The following TENM3 variants were observed in gnomAD, a reference collection of about 807,000 sequenced individuals.
The protein encoded by TENM3 is teneurin-3.
Under a neutral mutation model 255.1 loss-of-function variants are expected in TENM3, and 63 were observed. The ratio of observed to expected loss-of-function variants is 0.25; its 90% CI spans 0.20 to 0.30. The LOEUF (loss-of-function observed/expected upper bound fraction) is 0.30. TENM3 is among the 10% of genes least tolerant of loss of function. The probability of loss-of-function intolerance (pLI) is 1.00; values close to 1 mark genes in which losing one functional copy is unlikely to be tolerated. For missense variants in TENM3, 2,929 were observed against 3,461.1 expected, an observed-to-expected ratio of 0.85 and a Z score of 3.86; for synonymous variants, 1,306 against 1,322.3, an observed-to-expected ratio of 0.99 and a Z score of 0.27.
chr4:182,680,998 T>G (rs1422358087), intron 10 of TENM3, among the ~76,000 whole-genome samples: 1 of 152,202 alleles, frequency 6.6e-6, no homozygotes, highest in African/African-American at 2.4e-5. Flanking sequence ...CTTTATGCCT[T>G]GAAACTAACA....
At chr4:181,526,903 G>A in the TENM3 span, among the ~76,000 whole-genome samples, 1 of 152,162 alleles carries the variant, frequency 6.6e-6, no homozygotes, top group Admixed American at 6.5e-5. Flanking sequence ...TCGAGTAGTA[G>A]TAAAAACATT....
chr4:181,475,210 A>G, the TENM3 span, among the ~76,000 whole-genome samples: 1 of 152,194 alleles, frequency 6.6e-6, no homozygotes, highest in Non-Finnish European at 1.5e-5. Flanking sequence ...GCATTCAGAA[A>G]TTTTGTTTGG....
At chr4:182,437,074 A>G (rs1452629758) in intron 3 of TENM3, among the ~76,000 whole-genome samples, 5 of 152,164 alleles carry the variant, frequency 3.3e-5, no homozygotes, top group South Asian at 4.1e-4. Flanking sequence ...TGAAGGAAAG[A>G]ACTTCTCAAC....
At chr4:182,459,315 C>G (rs1307603447) in intron 3 of TENM3, among the ~76,000 whole-genome samples, 1 of 151,958 alleles carries the variant, frequency 6.6e-6, no homozygotes, top group Non-Finnish European at 1.5e-5. Context: ...GTGTTGACCA[C>G]TTTGAAAGCA....
At chr4:181,553,292 TG>T in the TENM3 span, among the ~76,000 whole-genome samples, 1 of 116,820 alleles carries the variant, frequency 8.6e-6, no homozygotes, top group South Asian at 2.7e-4. Context: ...TGTGTGTGTG[TG>T]TGTGTAGTGT....
chr4:182,357,198 A>G (rs1387727746), intron 3 of TENM3, among the ~76,000 whole-genome samples: 1 of 151,984 alleles, frequency 6.6e-6, no homozygotes, highest in Non-Finnish European at 1.5e-5. Flanking sequence ...GTGTCTTTAT[A>G]GCAGCATGAT....
chr4:182,779,602 T>C (rs1228824348), intron 24 of TENM3, among the ~76,000 whole-genome samples: 2 of 152,236 alleles, frequency 1.3e-5, no homozygotes, highest in South Asian at 2.1e-4. Context: ...TCAAATGGTA[T>C]TTCCAGTTCT....
the TENM3 span, among the ~76,000 whole-genome samples, chr4:181,567,936 C>T: frequency 6.6e-6 from 1 of 152,048 alleles, no homozygotes; most frequent in African/African-American, 2.4e-5. Flanking sequence ...GCCCATAGCA[C>T]CTTTGGCCAA....
chr4:181,776,820 G>A, the TENM3 span, among the ~76,000 whole-genome samples: 1 of 151,882 alleles, frequency 6.6e-6, no homozygotes, highest in African/African-American at 2.4e-5. Flanking sequence ...GTGCAGCCTG[G>A]ATATATTAAT....
chr4:181,890,364 C>T, the TENM3 span, among the ~76,000 whole-genome samples: 2 of 152,012 alleles, frequency 1.3e-5, no homozygotes, highest in African/African-American at 4.8e-5. Flanking sequence ...TCAGGACACA[C>T]TTAATTTAAA....
chr4:182,413,116 G>A (rs1770117743), intron 3 of TENM3, among the ~76,000 whole-genome samples: 1 of 151,724 alleles, frequency 6.6e-6, no homozygotes, highest in Non-Finnish European at 1.5e-5. Flanking sequence ...GAAACATGAA[G>A]GATGAAATGA....
chr4:182,537,417 C>G (rs1560890223), intron 3 of TENM3, among the ~76,000 whole-genome samples: 1 of 152,186 alleles, frequency 6.6e-6, no homozygotes, highest in African/African-American at 2.4e-5. Flanking sequence ...ACTTCGAGGT[C>G]TTTTACCAAT....
At chr4:181,849,712 A>G in the TENM3 span, among the ~76,000 whole-genome samples, 3 of 152,174 alleles carry the variant, frequency 2.0e-5, no homozygotes, top group African/African-American at 7.2e-5. Context: ...GACATTATAC[A>G]GACATCATTG....
At chr4:181,895,562 T>A in the TENM3 span, among the ~76,000 whole-genome samples, 1 of 61,896 alleles carries the variant, frequency 1.6e-5, no homozygotes, top group Non-Finnish European at 3.1e-5. Context: ...TTTTTTTTTT[T>A]GAGACAGGAT....
chr4:181,767,145 G>T, the TENM3 span, among the ~76,000 whole-genome samples: 2 of 148,038 alleles, frequency 1.4e-5, no homozygotes, highest in Non-Finnish European at 3.0e-5. Context: ...CCAGCTACTC[G>T]GGAGGCTGAG....
chr4:182,009,170 G>C, the TENM3 span, among the ~76,000 whole-genome samples: 11 of 152,262 alleles, frequency 7.2e-5, no homozygotes, highest in East Asian at 2.1e-3. Flanking sequence ...GATTGCTCCT[G>C]TATAGGGTGT....
chr4:181,604,018 A>C, the TENM3 span, among the ~76,000 whole-genome samples: 2 of 152,098 alleles, frequency 1.3e-5, no homozygotes, highest in Non-Finnish European at 1.5e-5. Flanking sequence ...TAATCCCAGC[A>C]CTTTGGGAGG....
At chr4:181,796,939 G>A in the TENM3 span, among the ~76,000 whole-genome samples, 11 of 152,164 alleles carry the variant, frequency 7.2e-5, 1 homozygote, top group African/African-American at 2.4e-4. Flanking sequence ...TTGTATTCTC[G>A]GGGAATGATT....
the TENM3 span, among the ~76,000 whole-genome samples, chr4:182,130,950 C>G: frequency 6.6e-6 from 1 of 152,064 alleles, no homozygotes; most frequent in African/African-American, 2.4e-5. Context: ...ACTATTACTT[C>G]TTGTGTGGCA....
Sources: gnomAD v4.1 joint callset for allele counts (sites outside exome capture counted in the v4.1 genomes callset) on GRCh38, gnomAD v4.1.1 for gene constraint, MANE v1.5 for transcripts, NCBI Gene and HGNC (gene_info 2026-07-23, HGNC 2026-07-21) for gene names.